The following PITPNB variants were observed in gnomAD, a reference collection of about 807,000 sequenced individuals.
PITPNB encodes the protein phosphatidylinositol transfer protein beta isoform.
Under a neutral mutation model 45.9 loss-of-function variants are expected in PITPNB, and 16 were observed. The observed-to-expected ratio is 0.35, with a 90% CI of 0.24 to 0.53. PITPNB has a LOEUF of 0.53. Ranked by LOEUF, PITPNB falls within the 20% of genes least tolerant of loss-of-function variation. The pLI, the probability that PITPNB is intolerant of heterozygous loss-of-function variation, is 0.93. For missense variants in PITPNB, 188 were observed against 330.5 expected, an observed-to-expected ratio of 0.57 and a Z score of 3.34; for synonymous variants, 112 against 108.9, an observed-to-expected ratio of 1.03 and a Z score of -0.18.
chr22:27,885,538 C>T (rs2146384949), intron 7 of PITPNB, among the ~76,000 whole-genome samples: 1 of 152,260 alleles, frequency 6.6e-6, no homozygotes, highest in South Asian at 2.1e-4. Context: ...TTTCTTCAGA[C>T]AGTCTCTGTT....
intron 10 of PITPNB, among the ~76,000 whole-genome samples, chr22:27,857,590 G>A (rs2146345682): frequency 6.6e-6 from 1 of 152,310 alleles, no homozygotes; most frequent in South Asian, 2.1e-4. Context: ...GGACCTGCTG[G>A]CAGGACTCGA....
intron 7 of PITPNB, among the ~76,000 whole-genome samples, chr22:27,875,691 A>C (rs1219077633): frequency 6.6e-6 from 1 of 152,250 alleles, no homozygotes; most frequent in African/African-American, 2.4e-5. Context: ...CACTTTCAGC[A>C]TCATTTCCCT....
At chr22:27,891,383 CCAGA>C (rs1477148938) in intron 7 of PITPNB, among the ~76,000 whole-genome samples, 4 of 152,096 alleles carry the variant, frequency 2.6e-5, no homozygotes, top group Non-Finnish European at 5.9e-5. Context: ...TGTTTAGTCC[CCAGA>C]CAATGCTTGG....
chr22:27,866,679 G>A (rs1227675598), intron 8 of PITPNB, among the ~76,000 whole-genome samples: 1 of 152,142 alleles, frequency 6.6e-6, no homozygotes, highest in East Asian at 1.9e-4. Flanking sequence ...GATGGAATAG[G>A]TATGTGCTAC....
At chr22:27,859,647 C>G (rs763069529) in intron 9 of PITPNB, among the ~76,000 whole-genome samples, 1 of 152,182 alleles carries the variant, frequency 6.6e-6, no homozygotes, top group Non-Finnish European at 1.5e-5. Context: ...TACCTTAGTT[C>G]ACAGTGTGCC....
chr22:27,869,737 T>G (rs1934597890), intron 8 of PITPNB, among the ~76,000 whole-genome samples: 1 of 152,194 alleles, frequency 6.6e-6, no homozygotes, highest in Non-Finnish European at 1.5e-5. Context: ...TAACATTGAT[T>G]GTGCACTTCT....
intron 7 of PITPNB, among the ~76,000 whole-genome samples, chr22:27,880,291 T>A (rs189724769): frequency 1.4e-3 from 214 of 152,290 alleles, no homozygotes; most frequent in Non-Finnish European, 2.9e-3. Flanking sequence ...GGACGCTTGC[T>A]CCCTCTCAGC....
chr22:27,907,342 T>C (rs1482211887), intron 3 of PITPNB, among the ~76,000 whole-genome samples: 3 of 152,302 alleles, frequency 2.0e-5, no homozygotes, highest in Non-Finnish European at 2.9e-5. Context: ...TACTAAATGA[T>C]TCTTTGCCCT....
intron 6 of PITPNB, among the ~76,000 whole-genome samples, chr22:27,895,971 G>A (rs1040430969): frequency 5.3e-5 from 8 of 152,178 alleles, no homozygotes; most frequent in East Asian, 1.9e-4. Flanking sequence ...CAAGTTCCAC[G>A]ACAAACCTTA....
chr22:27,882,666 C>G lies in PITPNB; in HGVS notation c.457-8851G>C, dbSNP rs191497266. On this transcript the variant is annotated intron_variant, in intron 7 of 11. Transcript: ENST00000335272. ...TCTGTTCATTTAGTAAACTGCAAAA[C>G]TCCAAAACTCGTGGCTCCGATTAGT... Among the ~76,000 whole-genome samples, 176 of 152,324 alleles carry G rather than the reference C, an allele frequency of 1.2e-3. 1 individual carries two copies. The highest frequency in any genetic ancestry group is 1.9e-3 in the Non-Finnish European group (132 of 68,034).
chr22:27,881,976 T>C (rs1454452510), intron 7 of PITPNB, among the ~76,000 whole-genome samples: 1 of 152,210 alleles, frequency 6.6e-6, no homozygotes, highest in Non-Finnish European at 1.5e-5. Context: ...AAAGATTATT[T>C]AGAGAGTGCA....
intron 1 of PITPNB, 62 bp downstream of exon 1, chr22:27,919,110 C>T (rs201940628): frequency 2.3e-4 from 364 of 1,613,248 alleles, no homozygotes; most frequent in Non-Finnish European, 2.9e-4. Context: ...ACCACTTCTC[C>T]ATCAACAAAT....
intron 8 of PITPNB, among the ~76,000 whole-genome samples, chr22:27,864,489 C>T (rs1322949724): frequency 2.0e-5 from 3 of 152,128 alleles, no homozygotes; most frequent in Non-Finnish European, 4.4e-5. Context: ...GAAACATATC[C>T]TATTAATCAA....
chr22:27,905,493 T>C (rs1363405554), intron 3 of PITPNB, among the ~76,000 whole-genome samples: 9 of 152,180 alleles, frequency 5.9e-5, no homozygotes, highest in Non-Finnish European at 1.3e-4. Flanking sequence ...TGTGAAGAAG[T>C]ATGTTACAAT....
At chr22:27,884,931 T>C (rs1351297095) in intron 7 of PITPNB, among the ~76,000 whole-genome samples, 2 of 152,002 alleles carry the variant, frequency 1.3e-5, no homozygotes, top group Admixed American at 6.6e-5. Flanking sequence ...TAAAGTCACA[T>C]AGTATGTACT....
chr22:27,877,764 G>T (rs189505307), intron 7 of PITPNB, among the ~76,000 whole-genome samples: 3 of 152,280 alleles, frequency 2.0e-5, no homozygotes, highest in Middle Eastern at 3.4e-3. Flanking sequence ...AGTAGGAGGT[G>T]GGGGGCAGGC....
intron 7 of PITPNB, among the ~76,000 whole-genome samples, chr22:27,886,654 G>A (rs529797120): frequency 6.6e-6 from 1 of 152,282 alleles, no homozygotes; most frequent in South Asian, 2.1e-4. Context: ...TAAATCTTAA[G>A]AGTAATCAAC....
chr22:27,897,559 G>A (rs1396861648), intron 4 of PITPNB, among the ~76,000 whole-genome samples: 1 of 152,084 alleles, frequency 6.6e-6, no homozygotes, highest in East Asian at 1.9e-4. Flanking sequence ...CTTACCCCTG[G>A]AGCCAGCATA....
At chr22:27,910,892 T>C (rs1935900701) in intron 3 of PITPNB, 72 bp downstream of exon 3, 1 of 1,040,488 alleles carries the variant, frequency 9.6e-7, no homozygotes, top group Non-Finnish European at 1.5e-6. Context: ...CATCTACTAG[T>C]TAAGTTAGCT....
Sources: gnomAD v4.1 joint callset for allele counts (sites outside exome capture counted in the v4.1 genomes callset) on GRCh38, gnomAD v4.1.1 for gene constraint, MANE v1.5 for transcripts, NCBI Gene and HGNC (gene_info 2026-07-23, HGNC 2026-07-21) for gene names.